The following KAZN variants were observed in gnomAD, a reference collection of about 807,000 sequenced individuals.
KAZN encodes the protein kazrin, periplakin interacting protein.
A neutral mutation model predicts 87.4 loss-of-function variants in KAZN; 40 were observed. The observed-to-expected ratio is 0.46, with a 90% CI of 0.36 to 0.60. KAZN has a LOEUF of 0.60. KAZN is among the 20% of genes least tolerant of loss of function. The pLI is 0.00. For synonymous variants in KAZN, 466 were observed against 458.3 expected (o/e 1.02, Z -0.22); for missense variants, 898 against 1,073.9 (o/e 0.84, Z 2.29).
intron 2 of KAZN, among the ~76,000 whole-genome samples, chr1:14,367,855 G>A (rs1224423290): frequency 1.3e-5 from 2 of 152,134 alleles, no homozygotes; most frequent in Non-Finnish European, 2.9e-5. Flanking sequence ...TAGTCCCTAA[G>A]TGCTGCCTTC....
rs118099942 is a variant in KAZN at position 14,853,384 on chromosome 1, G to A, written c.227-107300G>A. Among the ~76,000 whole-genome samples the A allele has an allele frequency of 7.5e-3, 1,148 of 152,198 alleles. 7 individuals are homozygous for A. The highest frequency in any genetic ancestry group is 0.028 in the East Asian group (145 of 5,162). On this transcript the variant is annotated intron_variant, in intron 1 of 14. Transcript: ENST00000376030. The stretch of plus-strand genomic sequence containing the variant: ...CAATGTTACCTCGTGGGTGCCAGGC[G>A]TTTTTCTACGTGGTGCACACCCTCT...
chr1:14,930,330 T>C (rs1311402322), intron 1 of KAZN, among the ~76,000 whole-genome samples: 1 of 152,170 alleles, frequency 6.6e-6, no homozygotes, highest in African/African-American at 2.4e-5. Context: ...ACCTTTTAAT[T>C]GTACAGAAGT....
chr1:14,733,609 A>C (rs902353853), intron 1 of KAZN, among the ~76,000 whole-genome samples: 1 of 151,532 alleles, frequency 6.6e-6, no homozygotes, highest in African/African-American at 2.4e-5. Flanking sequence ...CCATACAAGG[A>C]GCAGTTCAAG....
At chr1:14,691,172 C>T (rs190868755) in intron 1 of KAZN, among the ~76,000 whole-genome samples, 392 of 152,010 alleles carry the variant, frequency 2.6e-3, no homozygotes, top group Non-Finnish European at 4.1e-3. Context: ...ATGGATGGCT[C>T]GGTACTTTTA....
chr1:14,422,140 A>G (rs1665467838), intron 2 of KAZN, among the ~76,000 whole-genome samples: 1 of 152,168 alleles, frequency 6.6e-6, no homozygotes, highest in Non-Finnish European at 1.5e-5. Flanking sequence ...AAATAGGCAA[A>G]TCGCTATTTT....
At chr1:14,849,895 G>C (rs974341194) in intron 1 of KAZN, among the ~76,000 whole-genome samples, 2 of 151,218 alleles carry the variant, frequency 1.3e-5, no homozygotes, top group African/African-American at 4.9e-5. Context: ...ATCAACTACT[G>C]CTTGCAATAA....
intron 2 of KAZN, chr1:14,180,621 T>C: frequency 6.6e-7 from 1 of 1,523,020 alleles, no homozygotes; most frequent in Non-Finnish European, 8.8e-7. Flanking sequence ...AAATTCTCTA[T>C]GGAGAAGGTG....
chr1:14,151,353 A>G (rs1230174315), intron 1 of KAZN, among the ~76,000 whole-genome samples: 1 of 152,100 alleles, frequency 6.6e-6, no homozygotes, highest in African/African-American at 2.4e-5. Context: ...CAGAAAGGCC[A>G]TTTCTTAGCT....
intron 2 of KAZN, among the ~76,000 whole-genome samples, chr1:14,185,253 A>G (rs1646279701): frequency 6.6e-6 from 1 of 152,206 alleles, no homozygotes; most frequent in Non-Finnish European, 1.5e-5. Context: ...AGCAGGGAAG[A>G]AACTCTGACA....
intron 2 of KAZN, among the ~76,000 whole-genome samples, chr1:14,422,049 A>C (rs964833435): frequency 2.0e-5 from 3 of 152,256 alleles, no homozygotes; most frequent in Admixed American, 2.0e-4. Context: ...TCTGTCTTGG[A>C]TATTCCTGAT....
chr1:14,979,773 TTG>T (rs1313949772), intron 2 of KAZN, among the ~76,000 whole-genome samples: 1 of 152,196 alleles, frequency 6.6e-6, no homozygotes. Context: ...GTTGCTGAAC[TTG>T]TGTGTCCCCA....
chr1:14,156,227 A>G (rs948504128), intron 1 of KAZN, among the ~76,000 whole-genome samples: 5 of 152,102 alleles, frequency 3.3e-5, no homozygotes, highest in African/African-American at 7.2e-5. Flanking sequence ...AATTTTTTGA[A>G]TGTTTTAAGA....
At position 14,164,077 on chromosome 1, in the gene KAZN, C is replaced by T. The variant is rs1278845076; in HGVS notation, c.92-16358C>T. Reference sequence around the variant, plus strand: ...TTTAGTGTTTTTTGTTATGGCAGAACTCTACTTCCAGGTATGAAAATCTGT... The same window carrying T: ...TTTAGTGTTTTTTGTTATGGCAGAATTCTACTTCCAGGTATGAAAATCTGT... On this transcript the variant is annotated intron_variant, in intron 1 of 16. Transcript: ENST00000636203. Among the ~76,000 whole-genome samples the T allele has an allele frequency of 3.9e-5, 6 of 152,328 alleles. No individual in the cohort carries two copies. The East Asian group carries it at 5.8e-4, about 15-fold the overall frequency.
At chr1:14,150,660 T>C (rs1645453126) in intron 1 of KAZN, among the ~76,000 whole-genome samples, 1 of 152,204 alleles carries the variant, frequency 6.6e-6, no homozygotes, top group South Asian at 2.1e-4. Context: ...GAACCCATTG[T>C]TGTAATCCAT....
chr1:14,377,120 CAG>C (rs1660975162), intron 2 of KAZN, among the ~76,000 whole-genome samples: 1 of 152,110 alleles, frequency 6.6e-6, no homozygotes, highest in African/African-American at 2.4e-5. Flanking sequence ...TAGTGGGAAA[CAG>C]AGTACTTTGT....
chr1:14,961,058 C>T (rs1663801426), intron 2 of KAZN, among the ~76,000 whole-genome samples, 183 bp downstream of exon 2: 1 of 152,236 alleles, frequency 6.6e-6, no homozygotes, highest in African/African-American at 2.4e-5. Context: ...GGTGCAGATG[C>T]CATTCCTTCC....
intron 1 of KAZN, among the ~76,000 whole-genome samples, chr1:14,671,995 T>A (rs1050745715): frequency 6.6e-6 from 1 of 152,242 alleles, no homozygotes; most frequent in Non-Finnish European, 1.5e-5. Flanking sequence ...TTCTAATTAT[T>A]GTTGGCCTTT....
chr1:14,526,613 A>G (rs959358515), intron 2 of KAZN, among the ~76,000 whole-genome samples: 1 of 152,176 alleles, frequency 6.6e-6, no homozygotes. Flanking sequence ...TTCCTCCTTC[A>G]TTCTTATCTC....
chr1:13,978,547 G>T (rs1638492712), intron 1 of KAZN, among the ~76,000 whole-genome samples: 2 of 151,008 alleles, frequency 1.3e-5, no homozygotes, highest in African/African-American at 4.9e-5. Context: ...AAAAATAAAG[G>T]TAAGTTAATT....
Sources: gnomAD v4.1 joint callset for allele counts (sites outside exome capture counted in the v4.1 genomes callset) on GRCh38, gnomAD v4.1.1 for gene constraint, MANE v1.5 for transcripts, NCBI Gene and HGNC (gene_info 2026-07-23, HGNC 2026-07-21) for gene names.